The following DLGAP2 variants were observed in gnomAD, a reference collection of about 807,000 sequenced individuals.
The protein encoded by DLGAP2 is DLG associated protein 2.
Under a neutral mutation model 100.3 loss-of-function variants are expected in DLGAP2, and 26 were observed. That is an observed-to-expected ratio of 0.26 (90% confidence interval 0.19 to 0.36). The LOEUF is 0.36. Ranked by LOEUF, DLGAP2 falls within the 10% of genes least tolerant of loss-of-function variation. The pLI, the probability that DLGAP2 is intolerant of heterozygous loss-of-function variation, is 1.00. For synonymous variants in DLGAP2, 886 were observed against 630.1 expected (o/e 1.41, Z -6.08); for missense variants, 1,858 against 1,453.2 (o/e 1.28, Z -4.53).
intron 2 of DLGAP2, among the ~76,000 whole-genome samples, chr8:1,182,381 TG>T (rs1380782129): frequency 6.6e-6 from 1 of 152,252 alleles, no homozygotes; most frequent in Non-Finnish European, 1.5e-5. Context: ...TTGGCCCTTG[TG>T]ACCCCAACAG....
At chr8:815,674 A>G (rs777663318) in intron 1 of DLGAP2, among the ~76,000 whole-genome samples, 5 of 152,216 alleles carry the variant, frequency 3.3e-5, no homozygotes, top group Non-Finnish European at 5.9e-5. Context: ...CTAGAAGAAG[A>G]TATTTATTGA....
intron 2 of DLGAP2, among the ~76,000 whole-genome samples, chr8:965,870 ATGCACACAGCG>A (rs1563118259): frequency 2.3e-4 from 34 of 149,814 alleles, no homozygotes; most frequent in Non-Finnish European, 4.6e-4. Context: ...CGACCCCCGC[ATGCACACAGCG>A]CTGTTCACCA....
chr8:1,439,103 G>C lies in DLGAP2; in HGVS notation c.107-62263G>C, dbSNP rs138688945. ...AGAACGCACATGCTGGGCTGAGAAA[G>C]TGGTGACTTTATCCTCCCTAATGAT... On this transcript the variant is annotated intron_variant, in intron 3 of 14. Transcript: ENST00000637795. Among the ~76,000 whole-genome samples, 430 of 152,302 alleles carry C rather than the reference G, an allele frequency of 2.8e-3. 5 individuals are homozygous for C. Among genetic ancestry groups the C allele is most frequent in the African/African-American group, 9.9e-3 (410 of 41,564 alleles).
At chr8:875,702 C>G (rs145571816) in intron 1 of DLGAP2, among the ~76,000 whole-genome samples, 18 of 152,128 alleles carry the variant, frequency 1.2e-4, no homozygotes, top group Admixed American at 2.6e-4. Flanking sequence ...TTTTTTATTT[C>G]TTCATCCCTC....
intron 3 of DLGAP2, among the ~76,000 whole-genome samples, chr8:1,372,631 G>A (rs1802269445): frequency 6.6e-6 from 1 of 152,326 alleles, no homozygotes; most frequent in East Asian, 1.9e-4. Context: ...GCTCTCCAGA[G>A]TGACCTGTCT....
chr8:1,339,676 C>T (rs990836551), intron 3 of DLGAP2, among the ~76,000 whole-genome samples: 7 of 152,150 alleles, frequency 4.6e-5, no homozygotes, highest in African/African-American at 7.2e-5. Context: ...TTGTGACCTT[C>T]GTTTAATAGG....
At chr8:1,144,134 C>T (rs1398721855) in intron 2 of DLGAP2, among the ~76,000 whole-genome samples, 5 of 152,082 alleles carry the variant, frequency 3.3e-5, no homozygotes, top group South Asian at 4.1e-4. Context: ...AGGGGAGTCA[C>T]GGAAGAATAA....
At chr8:1,368,170 ATGTGTG>A (rs149829452) in intron 3 of DLGAP2, among the ~76,000 whole-genome samples, 1 of 152,048 alleles carries the variant, frequency 6.6e-6, no homozygotes, top group African/African-American at 2.4e-5. Context: ...ATACGTGTGC[ATGTGTG>A]TGTGTATGTG....
chr8:1,100,228 T>TAGAGTTTGTGGTGTGTGTGTGTG (rs1328798207), intron 2 of DLGAP2, among the ~76,000 whole-genome samples: 1 of 149,660 alleles, frequency 6.7e-6, no homozygotes, highest in African/African-American at 2.5e-5. Context: ...GGGAAAACCT[T>TAGAGTTTGTGGTGTGTGTGTGTG]TGTCCAGCAT....
intron 3 of DLGAP2, among the ~76,000 whole-genome samples, chr8:1,340,163 G>A (rs1204530060): frequency 6.6e-6 from 1 of 152,148 alleles, no homozygotes; most frequent in Non-Finnish European, 1.5e-5. Context: ...TACCATTCTG[G>A]ACATGGGAAC....
chr8:1,630,257 C>G (rs1261807217), intron 7 of DLGAP2, among the ~76,000 whole-genome samples: 1 of 152,200 alleles, frequency 6.6e-6, no homozygotes, highest in East Asian at 1.9e-4. Context: ...AAACAAACTT[C>G]CACTAATTGA....
chr8:831,190 G>A lies in DLGAP2; in HGVS notation c.19-76722G>A, dbSNP rs182170237. On this transcript the variant is annotated intron_variant, in intron 1 of 14. Transcript: ENST00000637795. ...TGGGATTACAAGCATGAGTCACCAC[G>A]CCCGGTCCAGCAGTCACTTTTTTTT... Among the ~76,000 whole-genome samples, 8 of 146,934 alleles carry A rather than the reference G, an allele frequency of 5.4e-5. No individual in the cohort carries two copies. In the East Asian group the frequency reaches 6.0e-4, roughly 11 times the overall value.
At chr8:861,185 A>C (rs1414067067) in intron 1 of DLGAP2, among the ~76,000 whole-genome samples, 1 of 145,130 alleles carries the variant, frequency 6.9e-6, no homozygotes, top group Non-Finnish European at 1.5e-5. Context: ...TCTTTTGGAC[A>C]TTGTTCCCTA....
chr8:1,409,022 G>A (rs996875659), intron 3 of DLGAP2, among the ~76,000 whole-genome samples: 4 of 152,238 alleles, frequency 2.6e-5, no homozygotes, highest in South Asian at 2.1e-4. Flanking sequence ...AAAGACAGCA[G>A]CATTGCCTCA....
At chr8:938,248 C>CAGAG (rs1472255907) in intron 2 of DLGAP2, among the ~76,000 whole-genome samples, 1 of 152,024 alleles carries the variant, frequency 6.6e-6, no homozygotes, top group African/African-American at 2.4e-5. Flanking sequence ...ATAATGGTGA[C>CAGAG]AGAGAGAGAC....
At chr8:966,040 G>A (rs534657927) in intron 2 of DLGAP2, among the ~76,000 whole-genome samples, 67 of 152,322 alleles carry the variant, frequency 4.4e-4, no homozygotes, top group African/African-American at 1.5e-3. Context: ...GGTCTCCCAA[G>A]GACAAGCGCC....
chr8:1,371,528 T>C (rs1802236598), intron 3 of DLGAP2, among the ~76,000 whole-genome samples: 1 of 152,232 alleles, frequency 6.6e-6, no homozygotes, highest in Non-Finnish European at 1.5e-5. Flanking sequence ...TTGTGGCTTC[T>C]GTAATTGGAA....
intron 3 of DLGAP2, among the ~76,000 whole-genome samples, chr8:1,331,002 AT>A (rs1563087349): frequency 1.5e-5 from 2 of 133,108 alleles, no homozygotes; most frequent in African/African-American, 5.2e-5. Flanking sequence ...GCACCGCTTC[AT>A]GGGGACTGAG....
At chr8:1,360,300 C>A (rs1178890427) in intron 3 of DLGAP2, among the ~76,000 whole-genome samples, 1 of 34,724 alleles carries the variant, frequency 2.9e-5, no homozygotes, top group Non-Finnish European at 6.6e-5. Context: ...TTCTCCGGGG[C>A]GGGGCTTCTC....
Sources: gnomAD v4.1 joint callset for allele counts (sites outside exome capture counted in the v4.1 genomes callset) on GRCh38, gnomAD v4.1.1 for gene constraint, MANE v1.5 for transcripts, NCBI Gene and HGNC (gene_info 2026-07-23, HGNC 2026-07-21) for gene names.